Variants in MAP3K7CL observed in about 807,000 individuals in gnomAD.
MAP3K7CL encodes MAP3K7 C-terminal-like protein.
A neutral mutation model predicts 18.6 loss-of-function variants in MAP3K7CL; 16 were observed. That is an observed-to-expected ratio of 0.86 (90% CI 0.58 to 1.31). MAP3K7CL has a LOEUF of 1.31. Among genes scored for constraint, MAP3K7CL ranks in the 50% most tolerant of loss-of-function variants. The pLI is 0.00. For synonymous variants in MAP3K7CL, 65 were observed against 66.8 expected (o/e 0.97, Z 0.13); for missense variants, 163 against 174.4 (o/e 0.93, Z 0.37).
chr21:29,167,827 G>A (rs1003257742), intron 4 of MAP3K7CL, among the ~76,000 whole-genome samples: 1 of 150,992 alleles, frequency 6.6e-6, no homozygotes, highest in Admixed American at 6.6e-5. Context: ...AGCCTCCCAC[G>A]TAGCTGGGAC....
At chr21:29,159,275 C>A (rs561048708) in intron 3 of MAP3K7CL, among the ~76,000 whole-genome samples, 1 of 152,256 alleles carries the variant, frequency 6.6e-6, no homozygotes, top group African/African-American at 2.4e-5. Flanking sequence ...AGGGTTTTCA[C>A]CATGTTGCGG....
intron 4 of MAP3K7CL, among the ~76,000 whole-genome samples, chr21:29,094,777 G>A (rs753655273): frequency 1.3e-5 from 2 of 152,052 alleles, no homozygotes; most frequent in African/African-American, 4.8e-5. Flanking sequence ...GGATTCATGC[G>A]GGTATCTTTC....
chr21:29,085,475 A>C (rs769294080), upstream of MAP3K7CL, among the ~76,000 whole-genome samples: 2 of 134,058 alleles, frequency 1.5e-5, no homozygotes, highest in Non-Finnish European at 3.1e-5. Context: ...TGAACCCGGG[A>C]GGCGGAGCTT....
upstream of MAP3K7CL, among the ~76,000 whole-genome samples, chr21:29,127,490 GTGTT>G (rs1342192166): frequency 6.6e-6 from 1 of 152,202 alleles, no homozygotes; most frequent in Non-Finnish European, 1.5e-5. Context: ...TCTCTTGAAA[GTGTT>G]TGGATAAAGA....
At chr21:29,117,432 C>A (rs143530316) in intron 4 of MAP3K7CL, among the ~76,000 whole-genome samples, 1 of 152,206 alleles carries the variant, frequency 6.6e-6, no homozygotes, top group African/African-American at 2.4e-5. Context: ...ATCTGATGCT[C>A]CATTTTAGTT....
At chr21:29,126,759 C>T (rs2086688406), upstream of MAP3K7CL, among the ~76,000 whole-genome samples, 1 of 152,032 alleles carries the variant, frequency 6.6e-6, no homozygotes. Flanking sequence ...GTGCCTGGCT[C>T]ACAAGTGTAA....
intron 4 of MAP3K7CL, among the ~76,000 whole-genome samples, chr21:29,118,688 A>G (rs930089703): frequency 1.3e-5 from 2 of 152,224 alleles, no homozygotes; most frequent in African/African-American, 4.8e-5. Flanking sequence ...CACTGAGAGA[A>G]GTTCGGTGTG....
chr21:29,082,370 A>AAACC (rs2085850259), upstream of MAP3K7CL, among the ~76,000 whole-genome samples: 1 of 152,110 alleles, frequency 6.6e-6, no homozygotes, highest in Non-Finnish European at 1.5e-5. Flanking sequence ...AATTTTTTGT[A>AAACC]TGCCTAGGAC....
At position 29,119,422 on chromosome 21, in the gene MAP3K7CL, A is replaced by G. The variant is rs115775662; in HGVS notation, c.370+26841A>G. ...ATGGCATCAATCAAGCAGTCTAACC[A>G]TTTCCTATTCCTAATGGAGCCATTC... On this transcript the variant is annotated intron_variant, in intron 4 of 6. Coordinates refer to the MAP3K7CL transcript ENST00000286791. Among the ~76,000 whole-genome samples the G allele has an allele frequency of 2.3e-3, 350 of 152,082 alleles. 1 individual carries two copies. Among genetic ancestry groups the G allele is most frequent in the African/African-American group, 8.0e-3 (332 of 41,494 alleles).
chr21:29,150,930 C>T (rs137957318), intron 3 of MAP3K7CL, among the ~76,000 whole-genome samples: 1,953 of 151,746 alleles, frequency 0.013, 67 homozygotes, highest in Admixed American at 0.062. Context: ...CCACCACGCC[C>T]GGATAATTTT....
At chr21:29,095,136 T>G (rs2086099306) in intron 4 of MAP3K7CL, among the ~76,000 whole-genome samples, 1 of 94,372 alleles carries the variant, frequency 1.1e-5, no homozygotes, top group Non-Finnish European at 2.0e-5. Context: ...TTAGGCTCAT[T>G]CATTTAAAAA....
intron 3 of MAP3K7CL, among the ~76,000 whole-genome samples, chr21:29,156,700 C>T (rs1330777253): frequency 6.6e-6 from 1 of 152,180 alleles, no homozygotes; most frequent in Non-Finnish European, 1.5e-5. Flanking sequence ...AACAACACAT[C>T]ACATTATTCT....
intron 4 of MAP3K7CL, chr21:29,109,625 G>T: frequency 1.0e-6 from 1 of 996,132 alleles, no homozygotes; most frequent in African/African-American, 1.7e-5. Flanking sequence ...TCACAGAGTT[G>T]ATATAGTAAT....
At position 29,109,479 on chromosome 21, in the gene MAP3K7CL, C is replaced by G. The variant is rs972714279; in HGVS notation, c.370+16898C>G. ...ACCCCCATCTCAGCATTCGGTTGTT[C>G]TCTTTGTTAACAGTTGTTGGCAGAG... On this transcript the variant is annotated intron_variant, in intron 4 of 6. Transcript: ENST00000286791. The G allele has an allele frequency of 7.0e-6, 8 of 1,141,080 alleles. No homozygotes were observed. In the African/African-American group the frequency reaches 1.1e-4, roughly 16 times the overall value. 70.7% of individuals were successfully genotyped at this position (1,141,080 alleles called of 1,614,324 possible). A position where few individuals can be genotyped will look rare whatever the true frequency, so the allele number is the denominator to read the frequency against.
rs377204978 is a variant in MAP3K7CL at position 29,144,027 on chromosome 21, G to A, written c.71-5162G>A. Among the ~76,000 whole-genome samples, 9 of 152,204 alleles carry A rather than the reference G, an allele frequency of 5.9e-5. No homozygotes were observed. The South Asian group carries it at 8.3e-4, about 14-fold the overall frequency. ...TCTATGATTGCCTTATGATTTTGGT[G>A]TTGAAATGTTCTCTCTGTCCTAAAG... On this transcript the variant is annotated intron_variant, in intron 2 of 4. Coordinates refer to ENST00000399928, the MANE Select transcript of MAP3K7CL (RefSeq NM_001286620.2).
At chr21:29,157,109 AT>A (rs1257813760) in intron 3 of MAP3K7CL, among the ~76,000 whole-genome samples, 1 of 152,046 alleles carries the variant, frequency 6.6e-6, no homozygotes, top group Non-Finnish European at 1.5e-5. Context: ...TTTTGCATTG[AT>A]TTTTTTCTTA....
At chr21:29,170,906 T>G (rs2087810608) in intron 4 of MAP3K7CL, among the ~76,000 whole-genome samples, 2 of 151,254 alleles carry the variant, frequency 1.3e-5, no homozygotes, top group African/African-American at 4.9e-5. Context: ...CTCAAAGTGC[T>G]GGAATTACAG....
chr21:29,078,935 AC>A (rs1168543423), intron 1 of MAP3K7CL, among the ~76,000 whole-genome samples: 2 of 152,192 alleles, frequency 1.3e-5, no homozygotes, highest in African/African-American at 4.8e-5. Context: ...TTAGAATCAG[AC>A]CGTTTATTCA....
At chr21:29,122,695 C>T (rs763600560) in intron 4 of MAP3K7CL, among the ~76,000 whole-genome samples, 3 of 152,222 alleles carry the variant, frequency 2.0e-5, no homozygotes, top group Non-Finnish European at 2.9e-5. Flanking sequence ...CTGCCAGTGG[C>T]GGCTGGGGTT....
Sources: allele counts gnomAD v4.1 joint callset (sites outside exome capture counted in the v4.1 genomes callset), GRCh38; gene constraint gnomAD v4.1.1; transcripts MANE v1.5; gene names NCBI Gene and HGNC (gene_info 2026-07-23, HGNC 2026-07-21).